The following KCNMB2 variants were observed in gnomAD, a reference collection of about 807,000 sequenced individuals.
The protein encoded by KCNMB2 is calcium-activated potassium channel subunit beta-2.
KCNMB2 carries 9 observed loss-of-function variants against 24.5 expected under a neutral mutation model. The ratio of observed to expected loss-of-function variants is 0.37; its 90% CI spans 0.22 to 0.64. The LOEUF is 0.64. Ranked by LOEUF, KCNMB2 falls within the 30% of genes least tolerant of loss-of-function variation. KCNMB2 has a pLI of 0.63. For missense variants in KCNMB2, 226 were observed against 284.3 expected (o/e 0.79, Z 1.47); for synonymous variants, 109 against 104.4 (o/e 1.04, Z -0.27).
Position 178,757,695 on chromosome 3 carries a change from T to C in KCNMB2, c.-67-49648T>C, listed in dbSNP as rs2108397965. The stretch of plus-strand genomic sequence containing the variant: ...ATATCCAAGAGGATATATATATGTA[T>C]ATATATCCAAGAGGATATATATATG... On this transcript the variant is annotated intron_variant, in intron 1 of 4. Coordinates refer to ENST00000452583, the MANE Select transcript of KCNMB2 (RefSeq NM_181361.3). 2.8e-5 allele frequency among the ~76,000 whole-genome samples: 2 copies of C among 71,530 alleles called. 1 individual carries two copies. Among genetic ancestry groups the C allele is most frequent in the African/African-American group, 1.1e-4 (2 of 18,488 alleles). The allele number at this position is 71,530 out of a possible 152,430, so 46.9% of individuals were successfully genotyped here.
At chr3:178,578,944 C>T (rs138763488) in intron 1 of KCNMB2, among the ~76,000 whole-genome samples, 7,333 of 152,020 alleles carry the variant, frequency 0.048, 241 homozygotes, top group Non-Finnish European at 0.078. Flanking sequence ...AACACCCCAC[C>T]GTCAATATTA....
chr3:178,718,748 A>G (rs1024983216), intron 1 of KCNMB2, among the ~76,000 whole-genome samples: 1 of 152,168 alleles, frequency 6.6e-6, no homozygotes, highest in African/African-American at 2.4e-5. Flanking sequence ...AGAAAGTCAA[A>G]TCATGAAGCA....
At position 178,631,905 on chromosome 3, in the gene KCNMB2, C is replaced by A. The variant is rs148510675; in HGVS notation, c.-68+95194C>A. On this transcript the variant is annotated intron_variant, in intron 1 of 4. Transcript: ENST00000452583. The stretch of plus-strand genomic sequence containing the variant: ...CACATGGAGAAAACAGCTATTCTAG[C>A]CACAGCTTCACATCATGCATGGTTT... Among the ~76,000 whole-genome samples, 522 of 152,248 alleles carry A rather than the reference C, an allele frequency of 3.4e-3. 2 individuals carry two copies. The highest frequency in any genetic ancestry group is 0.012 in the African/African-American group (488 of 41,530).
chr3:178,775,151 C>T (rs1712528845), intron 1 of KCNMB2, among the ~76,000 whole-genome samples: 1 of 152,148 alleles, frequency 6.6e-6, no homozygotes, highest in South Asian at 2.1e-4. Flanking sequence ...ATGATTCATA[C>T]AAAAATAAGA....
chr3:178,694,751 G>C (rs924652119), intron 1 of KCNMB2, among the ~76,000 whole-genome samples: 1 of 152,226 alleles, frequency 6.6e-6, no homozygotes, highest in African/African-American at 2.4e-5. Context: ...CCAGGGTTTT[G>C]AACAGTTCTG....
intron 1 of KCNMB2, among the ~76,000 whole-genome samples, chr3:178,801,012 G>C (rs984186660): frequency 6.6e-6 from 1 of 152,060 alleles, no homozygotes; most frequent in African/African-American, 2.4e-5. Flanking sequence ...TAGAAGGATG[G>C]TTACCAGAGG....
At chr3:178,725,636 G>T (rs561426840) in intron 1 of KCNMB2, among the ~76,000 whole-genome samples, 1 of 152,002 alleles carries the variant, frequency 6.6e-6, no homozygotes, top group South Asian at 2.1e-4. Flanking sequence ...TTTTCAACTT[G>T]TTAAAGTTTG....
intron 1 of KCNMB2, among the ~76,000 whole-genome samples, chr3:178,652,663 A>C: frequency 9.8e-6 from 1 of 102,368 alleles, no homozygotes. Flanking sequence ...TTCTCTATAT[A>C]CTTTTTTTTT....
At chr3:178,648,256 T>C (rs1027710620) in intron 1 of KCNMB2, among the ~76,000 whole-genome samples, 2 of 152,174 alleles carry the variant, frequency 1.3e-5, no homozygotes, top group African/African-American at 4.8e-5. Flanking sequence ...TAAGTTGTTT[T>C]ACCAGGCACA....
chr3:178,556,109 G>A (rs1388366843), intron 1 of KCNMB2, among the ~76,000 whole-genome samples: 2 of 152,200 alleles, frequency 1.3e-5, no homozygotes, highest in Admixed American at 1.3e-4. Flanking sequence ...GAAGGACAGT[G>A]CTGACTGAAG....
chr3:178,799,469 CA>C (rs1713688260), intron 1 of KCNMB2, among the ~76,000 whole-genome samples: 1 of 151,712 alleles, frequency 6.6e-6, no homozygotes, highest in Non-Finnish European at 1.5e-5. Flanking sequence ...TAAACTTAAC[CA>C]AAGAGGCAAA....
intron 1 of KCNMB2, among the ~76,000 whole-genome samples, chr3:178,752,253 T>G (rs143327918): frequency 1.1e-3 from 165 of 152,358 alleles, no homozygotes; most frequent in Middle Eastern, 3.4e-3. Context: ...TTGTTAGGAA[T>G]AGCAATGAAT....
chr3:178,758,767 G>A (rs866854948), intron 1 of KCNMB2, among the ~76,000 whole-genome samples: 1 of 122 alleles, frequency 8.2e-3, no homozygotes, highest in Non-Finnish European at 0.011. Context: ...TCTCCAAGAG[G>A]GATATATATA....
chr3:178,738,476 C>T (rs1194078296), intron 1 of KCNMB2, among the ~76,000 whole-genome samples: 1 of 152,232 alleles, frequency 6.6e-6, no homozygotes, highest in Non-Finnish European at 1.5e-5. Flanking sequence ...CCAAAGTCTA[C>T]ATGACCTGGC....
chr3:178,701,057 C>G (rs896837827), intron 1 of KCNMB2, among the ~76,000 whole-genome samples: 2 of 152,136 alleles, frequency 1.3e-5, no homozygotes, highest in Non-Finnish European at 2.9e-5. Flanking sequence ...ATGGTATTGC[C>G]TAGGTTTTCT....
chr3:178,599,775 G>T (rs1033055999), intron 1 of KCNMB2, among the ~76,000 whole-genome samples: 2 of 151,996 alleles, frequency 1.3e-5, no homozygotes, highest in African/African-American at 4.8e-5. Context: ...CCTCTCCTCT[G>T]CCAGCCCCTG....
At chr3:178,648,994 T>C (rs747112444) in intron 1 of KCNMB2, among the ~76,000 whole-genome samples, 2 of 152,226 alleles carry the variant, frequency 1.3e-5, no homozygotes, top group Non-Finnish European at 2.9e-5. Flanking sequence ...TTATTCATCA[T>C]AGACATAGGT....
chr3:178,811,959 A>T (rs1033419888), intron 2 of KCNMB2, among the ~76,000 whole-genome samples: 3 of 152,128 alleles, frequency 2.0e-5, no homozygotes, highest in African/African-American at 7.2e-5. Flanking sequence ...TGACTGTTTA[A>T]ATATTTGCCC....
chr3:178,734,761 C>A (rs1286913106), intron 1 of KCNMB2, among the ~76,000 whole-genome samples: 2 of 151,980 alleles, frequency 1.3e-5, no homozygotes, highest in East Asian at 1.9e-4. Context: ...AGTCAAAGAA[C>A]CGAGTTAACT....
Sources: gnomAD v4.1 joint callset for allele counts (sites outside exome capture counted in the v4.1 genomes callset) on GRCh38, gnomAD v4.1.1 for gene constraint, MANE v1.5 for transcripts, NCBI Gene and HGNC (gene_info 2026-07-23, HGNC 2026-07-21) for gene names.